Variants in C4orf36 observed in about 807,000 individuals in gnomAD.
The protein encoded by C4orf36 is uncharacterized protein C4orf36.
A neutral mutation model predicts 12.2 loss-of-function variants in C4orf36; 11 were observed. The observed-to-expected ratio is 0.90, with a 90% CI of 0.57 to 1.49. The LOEUF (loss-of-function observed/expected upper bound fraction) is 1.49. Among genes scored for constraint, C4orf36 ranks in the 40% most tolerant of loss-of-function variants. The probability of loss-of-function intolerance (pLI) is 0.00; values close to 1 mark genes in which losing one functional copy is unlikely to be tolerated. For missense variants in C4orf36, 137 were observed against 133.9 expected, an observed-to-expected ratio of 1.02 and a Z score of -0.11; for synonymous variants, 54 against 51.3, an observed-to-expected ratio of 1.05 and a Z score of -0.22.
At chr4:86,903,145 C>G in the C4orf36 span, among the ~76,000 whole-genome samples, 3 of 152,166 alleles carry the variant, frequency 2.0e-5, no homozygotes, top group Non-Finnish European at 4.4e-5. Flanking sequence ...GAAAAGGAAG[C>G]CTCAAGAATT....
the C4orf36 span, chr4:86,934,660 T>C: frequency 6.6e-6 from 1 of 152,218 alleles, no homozygotes; most frequent in Non-Finnish European, 1.5e-5. Context: ...TTCAATATTA[T>C]AGGAGGTTGC....
At chr4:86,928,891 A>AT in the C4orf36 span, among the ~76,000 whole-genome samples, 1 of 151,602 alleles carries the variant, frequency 6.6e-6, no homozygotes, top group African/African-American at 2.4e-5. Flanking sequence ...TCTTTCAAAA[A>AT]TTTTTTTTCT....
rs942665956 is a variant in C4orf36, at chr4:86,891,576, T to C, written c.-56A>G. ...TAGGTGCCTGATGGAATGTCACAGATAACTCTGTTCACTTTACCTGAAATG... is the reference window on the plus strand; with the variant it reads ...TAGGTGCCTGATGGAATGTCACAGACAACTCTGTTCACTTTACCTGAAATG... On this transcript the variant is annotated 5_prime_UTR_variant, in exon 2 of 5. Transcript: ENST00000295898. 5.6e-6 allele frequency: 9 copies of C among 1,613,106 alleles called. No individual in the cohort carries two copies. The East Asian group carries it at 1.1e-4, about 20-fold the overall frequency.
At chr4:86,890,240 A>AGGAAGGAC in intron 2 of C4orf36, 1 of 371,348 alleles carries the variant, frequency 2.7e-6, no homozygotes, top group Non-Finnish European at 5.6e-6. Flanking sequence ...GAAGGAAGGA[A>AGGAAGGAC]ACTGAGGTGC....
intron 4 of C4orf36, chr4:86,887,520 CA>C: frequency 2.5e-6 from 1 of 402,132 alleles, no homozygotes. Flanking sequence ...ACAAACGACT[CA>C]ACTCCAAATG....
the C4orf36 span, among the ~76,000 whole-genome samples, chr4:86,903,444 G>A: frequency 6.6e-6 from 1 of 152,246 alleles, no homozygotes; most frequent in South Asian, 2.1e-4. Flanking sequence ...TGAAGCCACA[G>A]ACCCTTATGG....
chr4:86,911,570 C>A, the C4orf36 span, among the ~76,000 whole-genome samples: 7 of 152,178 alleles, frequency 4.6e-5, no homozygotes, highest in African/African-American at 1.7e-4. Context: ...TTTCTTATTT[C>A]TTTGATGAGT....
chr4:86,918,866 T>C, the C4orf36 span, among the ~76,000 whole-genome samples: 36 of 151,960 alleles, frequency 2.4e-4, no homozygotes, highest in African/African-American at 6.8e-4. Context: ...ATTAGAGGAA[T>C]TGGCTCACAT....
chr4:86,901,168 A>G, the C4orf36 span, among the ~76,000 whole-genome samples: 1 of 151,308 alleles, frequency 6.6e-6, no homozygotes, highest in East Asian at 2.0e-4. Flanking sequence ...TATTTTTAGT[A>G]CAGATGGGGT....
chr4:86,934,829 A>G, the C4orf36 span: 2 of 151,960 alleles, frequency 1.3e-5, no homozygotes, highest in Non-Finnish European at 2.9e-5. Flanking sequence ...CCGCTCCCCC[A>G]CGATCCTCCC....
chr4:86,902,188 A>C, the C4orf36 span, among the ~76,000 whole-genome samples: 38 of 152,234 alleles, frequency 2.5e-4, no homozygotes, highest in African/African-American at 8.2e-4. Context: ...TGGGAGGCCA[A>C]AGCGAAAGGA....
chr4:86,892,513 C>G (rs1038719724), upstream of C4orf36: 7 of 962,856 alleles, frequency 7.3e-6, no homozygotes, highest in Non-Finnish European at 7.4e-6. Flanking sequence ...CCGGGAGACG[C>G]GCCCCGCGGG....
chr4:86,893,569 G>C (rs1747508188), upstream of C4orf36, among the ~76,000 whole-genome samples: 1 of 148,968 alleles, frequency 6.7e-6, no homozygotes, highest in Admixed American at 6.7e-5. Flanking sequence ...CTGGGCAACA[G>C]AGACTCCATC....
At chr4:86,897,408 G>T, upstream of C4orf36, among the ~76,000 whole-genome samples, 1 of 152,026 alleles carries the variant, frequency 6.6e-6, no homozygotes. Flanking sequence ...AAAGTGACTT[G>T]TTTATGATTA....
intron 4 of C4orf36, among the ~76,000 whole-genome samples, chr4:86,884,218 T>G (rs888664378): frequency 1.6e-4 from 24 of 152,204 alleles, no homozygotes; most frequent in African/African-American, 5.8e-4. Flanking sequence ...CATGTCACTT[T>G]CACACAAGTA....
chr4:86,934,816 C>CT, the C4orf36 span: 1 of 152,234 alleles, frequency 6.6e-6, no homozygotes, highest in Admixed American at 6.5e-5. Flanking sequence ...CCGTCCTGAG[C>CT]TGCCGCTCCC....
upstream of C4orf36, among the ~76,000 whole-genome samples, chr4:86,897,392 G>A (rs894592487): frequency 6.6e-6 from 1 of 151,956 alleles, no homozygotes; most frequent in Admixed American, 6.6e-5. Flanking sequence ...TACATAAAGG[G>A]CTATAAAAGT....
chr4:86,908,168 TACACACACACACACACACAC>T, the C4orf36 span, among the ~76,000 whole-genome samples: 32 of 140,970 alleles, frequency 2.3e-4, no homozygotes, highest in South Asian at 6.9e-4. Context: ...ACTTTCAACA[TACACACACACACACACACAC>T]ACACACACAC....
the C4orf36 span, among the ~76,000 whole-genome samples, chr4:86,907,907 G>A: frequency 1.3e-5 from 2 of 151,466 alleles, no homozygotes; most frequent in East Asian, 3.9e-4. Context: ...AGCAGAGGTT[G>A]CAGTGAGCCG....
Sources: allele counts gnomAD v4.1 joint callset (sites outside exome capture counted in the v4.1 genomes callset), GRCh38; gene constraint gnomAD v4.1.1; transcripts MANE v1.5; gene names NCBI Gene and HGNC (gene_info 2026-07-23, HGNC 2026-07-21).